The following SLC10A7 variants were observed in gnomAD, a reference collection of about 807,000 sequenced individuals.
SLC10A7 encodes the protein solute carrier family 10 member 7.
A neutral mutation model predicts 43.2 loss-of-function variants in SLC10A7; 29 were observed. That is an observed-to-expected ratio of 0.67 (90% CI 0.50 to 0.92). SLC10A7 has a LOEUF of 0.92. SLC10A7 is among the 40% of genes least tolerant of loss of function. The pLI is 0.00. For missense variants in SLC10A7, 295 were observed against 403.2 expected (o/e 0.73, Z 2.30); for synonymous variants, 152 against 144.8 (o/e 1.05, Z -0.35).
At chr4:146,305,834 C>A in intron 7 of SLC10A7, 92 bp downstream of exon 7, 1 of 1,095,222 alleles carries the variant, frequency 9.1e-7, no homozygotes. Context: ...TCTCCTCCCT[C>A]TGAATATCCT....
intron 8 of SLC10A7, 23 bp from the exon 9 acceptor site, chr4:146,293,003 T>C: frequency 2.7e-6 from 4 of 1,468,954 alleles, no homozygotes; most frequent in Non-Finnish European, 1.9e-6. Flanking sequence ...AGATTGAATC[T>C]AAATTAGCAC....
intron 5 of SLC10A7, among the ~76,000 whole-genome samples, chr4:146,336,986 T>C (rs946858750): frequency 1.3e-5 from 2 of 152,080 alleles, no homozygotes; most frequent in Non-Finnish European, 2.9e-5. Flanking sequence ...TGTAAACTCA[T>C]AGAACTGTAT....
chr4:146,350,805 A>C (rs1473443912), intron 5 of SLC10A7, among the ~76,000 whole-genome samples: 2 of 114,100 alleles, frequency 1.8e-5, no homozygotes, highest in Non-Finnish European at 3.5e-5. Flanking sequence ...ATTCCAACAG[A>C]CCTGCAGCTG....
chr4:146,425,671 C>A (rs575364373), intron 5 of SLC10A7, among the ~76,000 whole-genome samples: 1 of 152,218 alleles, frequency 6.6e-6, no homozygotes, highest in East Asian at 1.9e-4. Flanking sequence ...GTCAGCAGGA[C>A]TTTAAGGTAT....
At chr4:146,440,944 G>A (rs917500611) in intron 5 of SLC10A7, among the ~76,000 whole-genome samples, 21 of 152,134 alleles carry the variant, frequency 1.4e-4, no homozygotes, top group Admixed American at 8.5e-4. Context: ...TGAATTTAGA[G>A]TGCATATTGT....
At chr4:146,350,339 C>T (rs1465165871) in intron 5 of SLC10A7, among the ~76,000 whole-genome samples, 2 of 151,252 alleles carry the variant, frequency 1.3e-5, no homozygotes, top group East Asian at 3.9e-4. Context: ...TAAAAAACGG[C>T]GCACCACGAG....
intron 5 of SLC10A7, among the ~76,000 whole-genome samples, chr4:146,340,482 A>AAT (rs1416712168): frequency 6.6e-6 from 1 of 151,624 alleles, no homozygotes. Context: ...CAAAAAACAA[A>AAT]ATATATATAT....
rs999204698 is a variant in SLC10A7 at position 146,482,700 on chromosome 4, T to C, written c.396+21149A>G. On this transcript the variant is annotated intron_variant, in intron 4 of 11. Transcript: ENST00000335472. ...AAGAGACAGAGAATGCTAAAAACTT[T>C]CCAAGCCTTGGCAGAGACAGAGGCA... Among the ~76,000 whole-genome samples the C allele has an allele frequency of 3.9e-5, 6 of 152,254 alleles. No individual in the cohort carries two copies. In the East Asian group the frequency reaches 1.2e-3, roughly 29 times the overall value.
chr4:146,411,796 T>C (rs1388773211), intron 5 of SLC10A7, among the ~76,000 whole-genome samples: 5 of 152,184 alleles, frequency 3.3e-5, no homozygotes, highest in Admixed American at 6.5e-5. Context: ...ATCTGTTTCT[T>C]GGTGTACTTT....
intron 4 of SLC10A7, 115 bp from the exon 5 acceptor site, chr4:146,442,936 A>G (rs1333278647): frequency 2.6e-6 from 2 of 768,474 alleles, no homozygotes; most frequent in Non-Finnish European, 4.0e-6. Flanking sequence ...CATTGACTCT[A>G]TAAAGCAAAG....
At chr4:146,378,686 T>G (rs1737382886) in intron 5 of SLC10A7, among the ~76,000 whole-genome samples, 1 of 152,190 alleles carries the variant, frequency 6.6e-6, no homozygotes, top group African/African-American at 2.4e-5. Context: ...TAGTCAACTC[T>G]GGAGAATATA....
intron 5 of SLC10A7, among the ~76,000 whole-genome samples, chr4:146,415,700 A>T (rs987106765): frequency 2.0e-5 from 3 of 152,230 alleles, no homozygotes; most frequent in African/African-American, 7.2e-5. Context: ...CTAGTATTTA[A>T]TGAATAGATT....
At chr4:146,312,685 C>T (rs1440864704) in intron 6 of SLC10A7, among the ~76,000 whole-genome samples, 1 of 152,072 alleles carries the variant, frequency 6.6e-6, no homozygotes, top group Admixed American at 6.6e-5. Context: ...AATTTTCTTT[C>T]TGTGTCTGGT....
At chr4:146,303,682 T>C (rs1269101841) in intron 7 of SLC10A7, among the ~76,000 whole-genome samples, 3 of 152,172 alleles carry the variant, frequency 2.0e-5, no homozygotes, top group Non-Finnish European at 4.4e-5. Flanking sequence ...GCCCAGCCTA[T>C]ACATACATTT....
chr4:146,477,383 C>A (rs546434539), intron 4 of SLC10A7, among the ~76,000 whole-genome samples: 1 of 152,228 alleles, frequency 6.6e-6, no homozygotes, highest in South Asian at 2.1e-4. Context: ...CAAAGTCAAC[C>A]AAAATCTTTT....
rs78460396 is a variant in SLC10A7, at chr4:146,497,714, A to C, written c.396+6135T>G. 1.3e-3 allele frequency among the ~76,000 whole-genome samples: 193 copies of C among 152,354 alleles called. 2 individuals carry two copies. The South Asian group carries it at 0.025, about 20-fold the overall frequency. ...ACCAGTACAAACCATAGAGAAATGA[A>C]ATAGTTCTACAACAATACTATGAAA... is the stretch of plus-strand genomic sequence containing the variant. On this transcript the variant is annotated intron_variant, in intron 4 of 11. Coordinates refer to ENST00000335472, the MANE Select transcript of SLC10A7 (RefSeq NM_001029998.6).
At chr4:146,362,904 G>A (rs1033132173) in intron 5 of SLC10A7, among the ~76,000 whole-genome samples, 131 of 151,614 alleles carry the variant, frequency 8.6e-4, no homozygotes, top group African/African-American at 3.0e-3. Context: ...GATACTGTGA[G>A]AGAAAAATTA....
intron 4 of SLC10A7, among the ~76,000 whole-genome samples, chr4:146,449,838 G>A (rs1342971334): frequency 6.6e-6 from 1 of 151,970 alleles, no homozygotes; most frequent in Non-Finnish European, 1.5e-5. Context: ...GGGAAAGAAG[G>A]GAATTTAAAG....
chr4:146,264,342 A>T (rs983808466), intron 10 of SLC10A7, among the ~76,000 whole-genome samples: 1 of 152,080 alleles, frequency 6.6e-6, no homozygotes, highest in African/African-American at 2.4e-5. Context: ...TCTTAGATTA[A>T]ATATGGACTT....
Sources: gnomAD v4.1 joint callset for allele counts (sites outside exome capture counted in the v4.1 genomes callset) on GRCh38, gnomAD v4.1.1 for gene constraint, MANE v1.5 for transcripts, NCBI Gene and HGNC (gene_info 2026-07-23, HGNC 2026-07-21) for gene names.